SRPX: variants seen among roughly 807,000 people sequenced by gnomAD.
SRPX encodes sushi repeat containing protein X-linked, also known as sushi repeat-containing protein SRPX.
A neutral mutation model predicts 38.1 loss-of-function variants in SRPX; 24 were observed. The ratio of observed to expected loss-of-function variants is 0.63; its 90% CI spans 0.46 to 0.89. The LOEUF (loss-of-function observed/expected upper bound fraction) is 0.89. Ranked by LOEUF, SRPX falls within the 40% of genes least tolerant of loss-of-function variation. The pLI is 0.00. For missense variants in SRPX, 416 were observed against 377.8 expected (o/e 1.10, Z -0.84); for synonymous variants, 184 against 153.8 (o/e 1.20, Z -1.45).
chrX:38,216,084 A>G (rs1483893589), intron 1 of SRPX, among the ~76,000 whole-genome samples: 1 of 111,839 alleles, frequency 8.9e-6, no homozygotes, highest in Non-Finnish European at 1.9e-5. Flanking sequence ...TTTTGTCTCC[A>G]ATTTCAAAAC....
intron 4 of SRPX, among the ~76,000 whole-genome samples, chrX:38,165,188 T>C (rs1189698926): frequency 8.9e-6 from 1 of 112,151 alleles, no homozygotes; most frequent in East Asian, 2.8e-4. Flanking sequence ...GCTTCCAAAC[T>C]CTGCCTACCG....
In SRPX at chrX:38,171,899, G is replaced by A. The variant is rs375318852; in HGVS notation, c.508C>T (p.Arg170Trp). 60 of 1,209,437 alleles carry A rather than the reference G, an allele frequency of 5.0e-5. No individual in the cohort carries two copies. Among genetic ancestry groups the A allele is most frequent in the Non-Finnish European group, 6.0e-5 (54 of 895,077 alleles). Reference sequence around the variant, plus strand: ...TTCTTACCCACACAGGAGGCTGGCCGGCCGCTCCAGGCCTTGTTGTCCATA... The same window carrying A: ...TTCTTACCCACACAGGAGGCTGGCCAGCCGCTCCAGGCCTTGTTGTCCATA... ...TCMDNKAWSG[R>W]PASCVDMEPP... The change falls in exon 4 of 10, where the codon CGG (arginine) becomes TGG (tryptophan). Residue 170 changes from arginine (R) to tryptophan (W), a missense_variant. Arg to Trp is a moderately radical substitution (Grantham distance 101). Transcript: ENST00000378533.
At chrX:38,193,209 T>C (rs958958637) in intron 1 of SRPX, among the ~76,000 whole-genome samples, 1 of 111,379 alleles carries the variant, frequency 9.0e-6, no homozygotes. Context: ...GGTACTCACA[T>C]GAATTCACAT....
In SRPX at chrX:38,220,743, A is replaced by C. The variant is rs201383079; in HGVS notation, c.50T>G (p.Leu17Arg). 3.5e-6 allele frequency: 4 copies of C among 1,136,325 alleles called. No homozygotes were observed. The East Asian group carries it at 9.8e-5, about 28-fold the overall frequency. 93.6% of individuals were successfully genotyped at this position (1,136,325 alleles called of 1,213,427 possible). Residue 17 changes from leucine to arginine, a missense_variant, in exon 1 of 10, where the codon CTG becomes CGG. Coordinates refer to ENST00000378533, the MANE Select transcript of SRPX (RefSeq NM_006307.5). ...RPALLLLLPPLLLLLLLRVPP... is the reference protein window; with the variant it reads ...RPALLLLLPPRLLLLLLRVPP... The stretch of plus-strand genomic sequence containing the variant: ...GACGCGCAGCAGCAGCAGCAGCAGC[A>C]GAGGCGGCAGCAGCAGCAGCAGCGC...
At position 38,209,929 on chromosome X, in the gene SRPX, A is replaced by G. The variant is rs899499438; in HGVS notation, c.97+10767T>C. Reference sequence around the variant, plus strand: ...TTTCTTCCCCACTTCCACCTCCCCAAGCCTGCAGTGGTCACTGCCACCAGT... The same window carrying G: ...TTTCTTCCCCACTTCCACCTCCCCAGGCCTGCAGTGGTCACTGCCACCAGT... On this transcript the variant is annotated intron_variant, in intron 1 of 9. Transcript: ENST00000378533. Among the ~76,000 whole-genome samples, 12 of 112,100 alleles carry G rather than the reference A, an allele frequency of 1.1e-4. No homozygotes were observed. The South Asian group carries it at 1.1e-3, about 11-fold the overall frequency.
chrX:38,206,607 G>GT (rs1336135302), intron 1 of SRPX, among the ~76,000 whole-genome samples: 2 of 111,803 alleles, frequency 1.8e-5, no homozygotes, highest in Non-Finnish European at 3.8e-5. Flanking sequence ...CATTGTCTGA[G>GT]TTCCCCCAAA....
chrX:38,150,038 C>A (rs1937982935), intron 9 of SRPX, 144 bp from the exon 10 acceptor site: 3 of 481,970 alleles, frequency 6.2e-6, no homozygotes. Flanking sequence ...ACCCTGTCTA[C>A]TCCAACTGTG....
intron 5 of SRPX, among the ~76,000 whole-genome samples, chrX:38,161,362 C>T (rs183858520): frequency 9.1e-6 from 1 of 109,490 alleles, no homozygotes; most frequent in Non-Finnish European, 1.9e-5. Context: ...CCCAAGTCTC[C>T]TCCTTCAATC....
chrX:38,160,112 TCA>T lies in SRPX; in HGVS notation c.858_859del (p.Cys286Ter), dbSNP rs775623323. 1 of 1,211,727 alleles carries T rather than the reference TCA, an allele frequency of 8.3e-7. No individual in the cohort carries two copies. Among genetic ancestry groups the T allele is most frequent in the Non-Finnish European group, 1.1e-6 (1 of 895,411 alleles). ...CTCATAGCCGCCGATGCAGGAGAAC[TCA>T]CAGGTGGCTCCATAATTATCACCGT... On this transcript the variant is annotated stop_gained and frameshift_variant, in exon 7 of 10. Coordinates refer to ENST00000378533, the MANE Select transcript of SRPX (RefSeq NM_006307.5). LOFTEE classifies it high-confidence loss of function.
intron 1 of SRPX, among the ~76,000 whole-genome samples, chrX:38,187,154 G>A (rs1390758718): frequency 1.8e-5 from 2 of 111,790 alleles, no homozygotes; most frequent in African/African-American, 6.5e-5. Context: ...AATTATGTGA[G>A]TATAAATTGA....
chrX:38,182,150 T>A (rs1938684854), intron 1 of SRPX, among the ~76,000 whole-genome samples: 1 of 112,156 alleles, frequency 8.9e-6, no homozygotes, highest in Non-Finnish European at 1.9e-5. Context: ...TATTTTAGAT[T>A]TATCATTAGG....
chrX:38,153,462 A>G (rs985898498), intron 9 of SRPX, among the ~76,000 whole-genome samples: 1 of 110,477 alleles, frequency 9.1e-6, no homozygotes, highest in Non-Finnish European at 1.9e-5. Flanking sequence ...ATCATTTGCT[A>G]AGGATATGTT....
chrX:38,179,236 G>A (rs910772684), intron 1 of SRPX, among the ~76,000 whole-genome samples: 2 of 112,053 alleles, frequency 1.8e-5, no homozygotes, highest in Non-Finnish European at 3.8e-5. Flanking sequence ...GTGAGCCACC[G>A]TGCCCAGCCA....
At chrX:38,192,824 C>T (rs755595518) in intron 1 of SRPX, among the ~76,000 whole-genome samples, 1 of 111,895 alleles carries the variant, frequency 8.9e-6, no homozygotes, top group South Asian at 3.8e-4. Flanking sequence ...TCATTTGCAG[C>T]GATGAGGGCA....
rs766936006 is a variant in SRPX at position 38,171,918 on chromosome X, G to A, written c.489C>T (p.Asp163=). ...CTGGCCGGCCGCTCCAGGCCTTGTT[G>A]TCCATACATGTGACGGTCCGCTCCC... ...LKGERTVTCM[D]NKAWSGRPAS... Residue 163 remains aspartate, a synonymous_variant, in exon 4 of 10, where the codon GAC becomes GAT. Transcript: ENST00000378533. 4 of 1,211,588 alleles carry A rather than the reference G, an allele frequency of 3.3e-6. No individual in the cohort carries two copies. In the Admixed American group the frequency reaches 8.7e-5, roughly 26 times the overall value.
intron 4 of SRPX, among the ~76,000 whole-genome samples, chrX:38,169,503 A>G (rs1938427231): frequency 9.2e-6 from 1 of 109,227 alleles, no homozygotes. Flanking sequence ...AACAAAAAAT[A>G]AGTGAGCAAA....
intron 5 of SRPX, 150 bp downstream of exon 5, chrX:38,164,619 A>G (rs777698167): frequency 5.7e-6 from 3 of 526,317 alleles, no homozygotes; most frequent in Non-Finnish European, 8.8e-6. Flanking sequence ...CAACAAATAC[A>G]TAGGTGACAT....
chrX:38,169,999 A>AT (rs201109795), intron 4 of SRPX, among the ~76,000 whole-genome samples: 1 of 111,851 alleles, frequency 8.9e-6, no homozygotes, highest in Non-Finnish European at 1.9e-5. Flanking sequence ...AATTTGCAGT[A>AT]TTTTTTTTCC....
chrX:38,211,440 G>A (rs749108537), intron 1 of SRPX, among the ~76,000 whole-genome samples: 3 of 111,971 alleles, frequency 2.7e-5, no homozygotes, highest in South Asian at 7.5e-4. Context: ...GGTGGCTCAC[G>A]CCTGTAATCC....
Sources: allele counts gnomAD v4.1 joint callset (sites outside exome capture counted in the v4.1 genomes callset), GRCh38; gene constraint gnomAD v4.1.1; transcripts MANE v1.5; gene names NCBI Gene and HGNC (gene_info 2026-07-23, HGNC 2026-07-21).